The following CUBN variants were observed in gnomAD, a reference collection of about 807,000 sequenced individuals.
CUBN encodes cubilin, also known as 460 kDa receptor.
CUBN carries 282 observed loss-of-function variants against 405.3 expected under a neutral mutation model. The observed-to-expected ratio is 0.70, with a 90% confidence interval of 0.63 to 0.77. The LOEUF (loss-of-function observed/expected upper bound fraction) is 0.77. Ranked by LOEUF, CUBN falls within the 30% of genes least tolerant of loss-of-function variation. The pLI, the probability that CUBN is intolerant of heterozygous loss-of-function variation, is 0.00. For missense variants in CUBN, 4,514 were observed against 4,475.2 expected, an observed-to-expected ratio of 1.01 and a Z score of -0.25; for synonymous variants, 1,684 against 1,617.0, an observed-to-expected ratio of 1.04 and a Z score of -0.99.
At chr10:17,031,752 T>C (rs149729118) in intron 27 of CUBN, among the ~76,000 whole-genome samples, 51 of 152,272 alleles carry the variant, frequency 3.3e-4, no homozygotes, top group Admixed American at 2.4e-3. Context: ...CTGTTTTCAA[T>C]AGGGAGCTAA....
At chr10:17,096,535 G>A (rs1588639381) in intron 14 of CUBN, among the ~76,000 whole-genome samples, 1 of 152,040 alleles carries the variant, frequency 6.6e-6, no homozygotes, top group African/African-American at 2.4e-5. Flanking sequence ...ACAAAAAGCT[G>A]GCAAATCTAG....
intron 6 of CUBN, 153 bp downstream of exon 6, chr10:17,122,642 C>G: frequency 1.5e-6 from 1 of 671,184 alleles, no homozygotes; most frequent in Non-Finnish European, 2.7e-6. Context: ...GTAAAAATAG[C>G]TATGTAGACG....
At chr10:17,098,412 T>C (rs1006891672) in intron 14 of CUBN, among the ~76,000 whole-genome samples, 1 of 152,206 alleles carries the variant, frequency 6.6e-6, no homozygotes, top group Non-Finnish European at 1.5e-5. Context: ...GTAGTTGACA[T>C]AGGAAAGAAC....
chr10:16,952,217 A>G, intron 33 of CUBN, 59 bp downstream of exon 33: 1 of 1,234,736 alleles, frequency 8.1e-7, no homozygotes, highest in Non-Finnish European at 1.2e-6. Flanking sequence ...TCATAGACTG[A>G]CCTTCCCACA....
intron 28 of CUBN, among the ~76,000 whole-genome samples, chr10:16,997,164 A>G (rs1588563640): frequency 6.6e-6 from 1 of 152,312 alleles, no homozygotes; most frequent in East Asian, 1.9e-4. Context: ...GGCTGGGCGC[A>G]GTGGCTCATG....
In CUBN at chr10:16,855,026, C is replaced by CTCTTTCTCTCT. The variant is rs1316905683; in HGVS notation, c.9455-3594_9455-3584dup. Among the ~76,000 whole-genome samples, 323 of 131,892 alleles carry CTCTTTCTCTCT rather than the reference C, an allele frequency of 2.4e-3. 5 individuals are homozygous for CTCTTTCTCTCT. Among genetic ancestry groups the CTCTTTCTCTCT allele is most frequent in the African/African-American group, 9.2e-3 (306 of 33,198 alleles). The allele number at this position is 131,892 out of a possible 152,430, so 86.5% of individuals were successfully genotyped here. On this transcript the variant is annotated intron_variant, in intron 59 of 66. Transcript: ENST00000377833. ...TTTCTCTCTCTCTCTTTCTCTCTCTCTCTTTCTCTCTATCTCTCTTCCCCT... is the reference window on the plus strand; with the variant it reads ...TTTCTCTCTCTCTCTTTCTCTCTCTCTCTTTCTCTCTTCTTTCTCTCTATCTCTCTTCCCCT...
chr10:17,058,870 A>G (rs924570785), intron 22 of CUBN, among the ~76,000 whole-genome samples: 5 of 152,164 alleles, frequency 3.3e-5, no homozygotes, highest in Non-Finnish European at 7.4e-5. Context: ...TATTACATCA[A>G]TACAAAATGC....
At chr10:17,086,477 G>C (rs1836112115) in intron 15 of CUBN, among the ~76,000 whole-genome samples, 1 of 152,190 alleles carries the variant, frequency 6.6e-6, no homozygotes, top group South Asian at 2.1e-4. Flanking sequence ...CAGAGGTAGA[G>C]AGGAAGTGCC....
chr10:17,087,128 T>C (rs1351002482), intron 15 of CUBN, among the ~76,000 whole-genome samples: 1 of 128,512 alleles, frequency 7.8e-6, no homozygotes, highest in Non-Finnish European at 1.8e-5. Context: ...TTATGAATAA[T>C]TGCATTGACT....
intron 40 of CUBN, among the ~76,000 whole-genome samples, chr10:16,932,733 T>C (rs889365714): frequency 3.3e-5 from 5 of 152,144 alleles, no homozygotes; most frequent in Non-Finnish European, 7.3e-5. Context: ...CACATTACAA[T>C]TATAAGTATT....
intron 56 of CUBN, among the ~76,000 whole-genome samples, chr10:16,877,655 T>C (rs1231558172): frequency 4.6e-5 from 7 of 152,242 alleles, no homozygotes; most frequent in Non-Finnish European, 7.3e-5. Context: ...TTAATGTTTA[T>C]TGAACAACCA....
At chr10:16,854,964 C>A (rs1272199479) in intron 59 of CUBN, among the ~76,000 whole-genome samples, 1 of 141,680 alleles carries the variant, frequency 7.1e-6, no homozygotes, top group Non-Finnish European at 1.5e-5. Context: ...CTCTCTTCCT[C>A]CCTCACTCCT....
At chr10:16,874,988 A>C (rs1226200288) in intron 57 of CUBN, among the ~76,000 whole-genome samples, 1 of 152,004 alleles carries the variant, frequency 6.6e-6, no homozygotes, top group East Asian at 1.9e-4. Context: ...ATGGTAAACT[A>C]CTGGAAATCA....
chr10:16,939,120 G>A lies in CUBN; in HGVS notation c.5576C>T (p.Thr1859Ile). 2 of 1,613,794 alleles carry A rather than the reference G, an allele frequency of 1.2e-6. No individual in the cohort carries two copies. The highest frequency in any genetic ancestry group is 1.7e-6 in the Non-Finnish European group (2 of 1,179,766). The change falls in exon 38 of 67, where the codon ACT (threonine) becomes ATT (isoleucine). Residue 1859 changes from threonine to isoleucine, a missense_variant. By Grantham distance (89) the Thr-to-Ile change is moderately conservative. Around this residue, in one of 5 missense-constraint regions of CUBN, gnomAD observed 1,613 missense variants for 1,542.8 expected, o/e 1.05. Coordinates refer to ENST00000377833, the MANE Select transcript of CUBN (RefSeq NM_001081.4). Reference sequence around the variant, plus strand: ...GAAAGGAGAGGCGACTTTCCCATGAGTTCCCACAATATTATCATTGCCAAA... The same window carrying A: ...GAAAGGAGAGGCGACTTTCCCATGAATTCCCACAATATTATCATTGCCAAA... ...KIFGNDNIVGTHGKVASPFWP... is the reference protein window; with the variant it reads ...KIFGNDNIVGIHGKVASPFWP...
intron 56 of CUBN, among the ~76,000 whole-genome samples, chr10:16,882,946 G>A (rs956829193): frequency 6.6e-5 from 10 of 151,926 alleles, no homozygotes; most frequent in Admixed American, 2.0e-4. Flanking sequence ...CCTGGGAAGC[G>A]GAGGTTGCAG....
intron 66 of CUBN, among the ~76,000 whole-genome samples, chr10:16,828,468 AAC>A: frequency 6.6e-6 from 1 of 152,284 alleles, no homozygotes; most frequent in East Asian, 1.9e-4. Flanking sequence ...GTGTAATCCC[AAC>A]ACTTTCGGAG....
At chr10:17,125,928 T>C (rs909797540) in intron 4 of CUBN, among the ~76,000 whole-genome samples, 2 of 152,196 alleles carry the variant, frequency 1.3e-5, no homozygotes, top group African/African-American at 2.4e-5. Flanking sequence ...TACACGAACT[T>C]GATCATCAAA....
At chr10:16,851,155 C>G in intron 60 of CUBN, 80 bp downstream of exon 60, 1 of 1,213,528 alleles carries the variant, frequency 8.2e-7, no homozygotes, top group South Asian at 1.2e-5. Flanking sequence ...AGCAGGACTT[C>G]CTGTAACGAT....
chr10:17,107,909 T>G (rs1350220239), intron 10 of CUBN, among the ~76,000 whole-genome samples: 1 of 152,200 alleles, frequency 6.6e-6, no homozygotes, highest in East Asian at 1.9e-4. Context: ...ATGCATTTTT[T>G]TATAGTTAAT....
Sources: gnomAD v4.1 joint callset for allele counts (sites outside exome capture counted in the v4.1 genomes callset) on GRCh38, gnomAD v4.1.1 for gene constraint, gnomAD v4.1.1 regional missense constraint, MANE v1.5 for transcripts, NCBI Gene and HGNC (gene_info 2026-07-23, HGNC 2026-07-21) for gene names.